Variants in WASF3 observed in about 807,000 individuals in gnomAD.
The protein encoded by WASF3 is actin-binding protein WASF3.
Under a neutral mutation model 46.6 loss-of-function variants are expected in WASF3, and 11 were observed. The ratio of observed to expected loss-of-function variants is 0.24; its 90% CI spans 0.15 to 0.39. The LOEUF is 0.39. WASF3 is among the 10% of genes least tolerant of loss of function. The probability of loss-of-function intolerance (pLI) is 1.00; values close to 1 mark genes in which losing one functional copy is unlikely to be tolerated. For missense variants in WASF3, 576 were observed against 669.8 expected, an observed-to-expected ratio of 0.86 and a Z score of 1.55; for synonymous variants, 242 against 259.7, an observed-to-expected ratio of 0.93 and a Z score of 0.65.
intron 2 of WASF3, chr13:26,638,528 A>G (rs1281345304): frequency 2.0e-5 from 3 of 152,242 alleles, no homozygotes; most frequent in Admixed American, 2.0e-4. Flanking sequence ...AGTTCTTCCA[A>G]TAAAGGAATC....
chr13:26,608,124 G>C (rs548995418), intron 1 of WASF3, among the ~76,000 whole-genome samples: 1 of 146,710 alleles, frequency 6.8e-6, no homozygotes, highest in African/African-American at 2.5e-5. Flanking sequence ...CCAGATCGTT[G>C]CCTGGGTTAT....
At chr13:26,648,116 T>C (rs1038082843) in intron 3 of WASF3, among the ~76,000 whole-genome samples, 4 of 152,140 alleles carry the variant, frequency 2.6e-5, no homozygotes, top group African/African-American at 9.7e-5. Flanking sequence ...TCTCTGGTTG[T>C]TTTTGATTTT....
intron 1 of WASF3, among the ~76,000 whole-genome samples, chr13:26,586,784 T>G (rs1880140696): frequency 6.6e-6 from 1 of 152,186 alleles, no homozygotes; most frequent in African/African-American, 2.4e-5. Flanking sequence ...AAGATTAAAT[T>G]CATGTTTTAC....
chr13:26,661,037 C>T (rs887889289), intron 3 of WASF3, among the ~76,000 whole-genome samples: 3 of 152,178 alleles, frequency 2.0e-5, no homozygotes, highest in African/African-American at 4.8e-5. Context: ...AGCAAAAACT[C>T]GCTCACCCAG....
intron 7 of WASF3, among the ~76,000 whole-genome samples, chr13:26,678,053 T>G (rs1883117671): frequency 6.6e-6 from 1 of 152,230 alleles, no homozygotes; most frequent in South Asian, 2.1e-4. Context: ...TCAGATATAG[T>G]CTGCCTTTGT....
At chr13:26,617,265 G>GTT (rs59761644) in intron 2 of WASF3, among the ~76,000 whole-genome samples, 2 of 147,822 alleles carry the variant, frequency 1.4e-5, no homozygotes, top group African/African-American at 2.5e-5. Context: ...CATTTTTAGT[G>GTT]TTTTTTTTTT....
At chr13:26,650,933 A>G (rs1882296402) in intron 3 of WASF3, among the ~76,000 whole-genome samples, 1 of 152,258 alleles carries the variant, frequency 6.6e-6, no homozygotes, top group Non-Finnish European at 1.5e-5. Context: ...GAATCTCAGA[A>G]CAAAAGGAGA....
At chr13:26,580,620 T>C (rs1043400587) in intron 1 of WASF3, among the ~76,000 whole-genome samples, 9 of 130,862 alleles carry the variant, frequency 6.9e-5, no homozygotes, top group Non-Finnish European at 1.1e-4. Flanking sequence ...AATTTCTTTT[T>C]TCTTTCTTTT....
intron 4 of WASF3, among the ~76,000 whole-genome samples, chr13:26,667,114 A>G (rs926834218): frequency 1.3e-5 from 2 of 152,228 alleles, no homozygotes; most frequent in African/African-American, 4.8e-5. Flanking sequence ...TTTTTGCAGA[A>G]GTATTTCCCA....
Position 26,605,801 on chromosome 13 carries a change from TC to T in WASF3, c.-108-7159del, listed in dbSNP as rs1436586526. Among the ~76,000 whole-genome samples, 3 of 152,332 alleles carry T rather than the reference TC, an allele frequency of 2.0e-5. No individual in the cohort carries two copies. In the East Asian group the frequency reaches 5.8e-4, roughly 29 times the overall value. On this transcript the variant is annotated intron_variant, in intron 1 of 9. Coordinates refer to ENST00000335327, the MANE Select transcript of WASF3 (RefSeq NM_006646.6). ...TACGGATTTCTAACCATTTTCAACCTCTAAATTTTTTTATTTCTAGTAGTTC... is the reference window on the plus strand; with the variant it reads ...TACGGATTTCTAACCATTTTCAACCTTAAATTTTTTTATTTCTAGTAGTTC...
chr13:26,578,755 T>G (rs1879877810), intron 1 of WASF3, among the ~76,000 whole-genome samples: 1 of 152,120 alleles, frequency 6.6e-6, no homozygotes, highest in South Asian at 2.1e-4. Context: ...TAAACTTCTT[T>G]CGTTTCATGT....
the WASF3 span, among the ~76,000 whole-genome samples, chr13:26,549,673 T>A: frequency 2.0e-4 from 30 of 152,326 alleles, no homozygotes; most frequent in Non-Finnish European, 4.0e-4. Flanking sequence ...CTGTCAAATA[T>A]CCTTTCTTCA....
chr13:26,543,241 T>C, the WASF3 span, among the ~76,000 whole-genome samples: 5 of 152,192 alleles, frequency 3.3e-5, no homozygotes, highest in Non-Finnish European at 7.3e-5. Context: ...TTTTTGGCTC[T>C]CAGGACTTCC....
intron 9 of WASF3, 137 bp downstream of exon 9, chr13:26,683,111 T>C (rs1157025860): frequency 6.3e-6 from 8 of 1,261,342 alleles, no homozygotes; most frequent in African/African-American, 1.5e-5. Context: ...TCTTACTTGA[T>C]TTTTTTGTTT....
chr13:26,641,569 G>A (rs980593115), intron 2 of WASF3, among the ~76,000 whole-genome samples: 1 of 152,164 alleles, frequency 6.6e-6, no homozygotes, highest in Non-Finnish European at 1.5e-5. Flanking sequence ...AGGGGTTTAT[G>A]TAGCAGGAAG....
At chr13:26,549,855 G>T in the WASF3 span, among the ~76,000 whole-genome samples, 2 of 152,282 alleles carry the variant, frequency 1.3e-5, no homozygotes, top group Middle Eastern at 6.8e-3. Flanking sequence ...GATAATGAAG[G>T]CAAGTCTTTC....
At chr13:26,570,060 C>A (rs138868897) in intron 1 of WASF3, among the ~76,000 whole-genome samples, 1 of 151,930 alleles carries the variant, frequency 6.6e-6, no homozygotes, top group Non-Finnish European at 1.5e-5. Context: ...CCAAGGTGGG[C>A]GGATCACTTG....
intron 2 of WASF3, among the ~76,000 whole-genome samples, chr13:26,614,006 T>G (rs755185085): frequency 3.9e-5 from 6 of 152,222 alleles, no homozygotes; most frequent in African/African-American, 7.2e-5. Context: ...TACTATCATC[T>G]GTCTTGCCTG....
intron 1 of WASF3, among the ~76,000 whole-genome samples, chr13:26,566,920 A>G (rs1162417197): frequency 1.3e-5 from 2 of 152,178 alleles, no homozygotes; most frequent in South Asian, 2.1e-4. Flanking sequence ...CCTCAGCTCT[A>G]TGCTGTCATT....
Sources: gnomAD v4.1 joint callset for allele counts (sites outside exome capture counted in the v4.1 genomes callset) on GRCh38, gnomAD v4.1.1 for gene constraint, MANE v1.5 for transcripts, NCBI Gene and HGNC (gene_info 2026-07-23, HGNC 2026-07-21) for gene names.